The following GRIA2 variants were observed in gnomAD, a reference collection of about 807,000 sequenced individuals.
GRIA2 encodes the protein glutamate receptor 2.
A neutral mutation model predicts 97.3 loss-of-function variants in GRIA2; 14 were observed. That is an observed-to-expected ratio of 0.14 (90% CI 0.10 to 0.23). The LOEUF is 0.23. GRIA2 is among the 10% of genes least tolerant of loss of function. The probability of loss-of-function intolerance (pLI) is 1.00; values close to 1 mark genes in which losing one functional copy is unlikely to be tolerated. For synonymous variants in GRIA2, 412 were observed against 387.8 expected (o/e 1.06, Z -0.73); for missense variants, 558 against 1,069.8 (o/e 0.52, Z 6.67).
chr4:157,341,294 G>T lies in GRIA2; in HGVS notation c.1875G>T (p.Val625=). 4 of 1,612,762 alleles carry T rather than the reference G, an allele frequency of 2.5e-6. No homozygotes were observed. Among genetic ancestry groups the T allele is most frequent in the Non-Finnish European group, 3.4e-6 (4 of 1,179,004 alleles). ...RSLSGRIVGG[V]WWFFTLIIIS... is the part of the protein sequence containing the mutation. ...TCTCTGGGCGCATTGTTGGAGGTGT[G>T]TGGTGGTTCTTTACCCTGATCATAA... is the stretch of plus-strand genomic sequence containing the variant. The change falls in exon 12 of 16, where the codon GTG becomes GTT. Residue 625 remains valine, a synonymous_variant. Transcript: ENST00000264426.
chr4:157,297,197 T>C (rs1431951035), intron 2 of GRIA2, among the ~76,000 whole-genome samples: 2 of 152,090 alleles, frequency 1.3e-5, no homozygotes, highest in African/African-American at 4.8e-5. Context: ...AGAGCACAGA[T>C]AGAGAGGTCT....
intron 2 of GRIA2, among the ~76,000 whole-genome samples, chr4:157,276,664 T>A (rs986161748): frequency 6.6e-6 from 1 of 151,644 alleles, no homozygotes; most frequent in Non-Finnish European, 1.5e-5. Context: ...GAAAAAAAGA[T>A]AGATGATACA....
chr4:157,359,091 A>G (rs1300935240), intron 12 of GRIA2, among the ~76,000 whole-genome samples: 1 of 152,176 alleles, frequency 6.6e-6, no homozygotes, highest in African/African-American at 2.4e-5. Flanking sequence ...TTCCAACTCT[A>G]TGCTCAGCTT....
intron 4 of GRIA2, among the ~76,000 whole-genome samples, chr4:157,314,960 A>C (rs1002463111): frequency 6.6e-6 from 1 of 152,236 alleles, no homozygotes; most frequent in African/African-American, 2.4e-5. Context: ...CACAATGTAC[A>C]CAGACAGCAC....
intron 2 of GRIA2, among the ~76,000 whole-genome samples, chr4:157,284,279 T>TA (rs980126687): frequency 9.3e-5 from 14 of 150,580 alleles, no homozygotes; most frequent in East Asian, 2.0e-4. Context: ...ATTGAGAACT[T>TA]AAAAAAAAAG....
intron 2 of GRIA2, among the ~76,000 whole-genome samples, chr4:157,258,986 A>G (rs570817047): frequency 4.1e-4 from 63 of 152,096 alleles, no homozygotes; most frequent in Non-Finnish European, 7.2e-4. Flanking sequence ...GGAGGCCAAG[A>G]CAGGACAGGA....
At chr4:157,257,411 T>A (rs7692739) in intron 2 of GRIA2, among the ~76,000 whole-genome samples, 3 of 151,862 alleles carry the variant, frequency 2.0e-5, no homozygotes, top group South Asian at 4.1e-4. Context: ...GAATGTGTCT[T>A]AAAAATACAG....
At chr4:157,336,332 C>A (rs1284322455) in intron 10 of GRIA2, 45 bp from the exon 11 acceptor site, 2 of 1,447,012 alleles carry the variant, frequency 1.4e-6, no homozygotes, top group Admixed American at 2.3e-5. Flanking sequence ...ATTCCTTTTT[C>A]ACCATGACTC....
intron 4 of GRIA2, among the ~76,000 whole-genome samples, chr4:157,313,630 A>G (rs986375190): frequency 6.6e-6 from 1 of 152,014 alleles, no homozygotes; most frequent in East Asian, 1.9e-4. Flanking sequence ...GTGACTAGGG[A>G]TGATAGTGGC....
Position 157,234,614 on chromosome 4 carries a change from G to T in GRIA2, c.229+12807G>T, listed in dbSNP as rs552014330. 3.9e-5 allele frequency among the ~76,000 whole-genome samples: 6 copies of T among 152,224 alleles called. No homozygotes were observed. In the South Asian group the frequency reaches 1.0e-3, roughly 26 times the overall value. On this transcript the variant is annotated intron_variant, in intron 2 of 15. Transcript: ENST00000264426. ...GATACATTTGTGCAATAAAAATGAT[G>T]GTAGGTGTTTCTCACGAATAGGACC...
Position 157,336,430 on chromosome 4 carries a change from G to T in GRIA2, c.1527G>T (p.Val509=). 6.2e-7 allele frequency: 1 copy of T among 1,605,538 alleles called. No homozygotes were observed. Among genetic ancestry groups the T allele is most frequent in the Non-Finnish European group, 8.5e-7 (1 of 1,174,976 alleles). ...PLTITLVREE[V]IDFSKPFMSL... Reference sequence around the variant, plus strand: ...CTATTACCCTTGTGAGAGAAGAGGTGATTGACTTCTCAAAGCCCTTCATGA... The same window carrying T: ...CTATTACCCTTGTGAGAGAAGAGGTTATTGACTTCTCAAAGCCCTTCATGA... The change falls in exon 11 of 16, where the codon GTG becomes GTT. Residue 509 remains valine (V), a synonymous_variant. Coordinates refer to ENST00000264426, the MANE Select transcript of GRIA2 (RefSeq NM_001083619.3).
In GRIA2 at chr4:157,271,590, A is replaced by C. The variant is rs114331809; in HGVS notation, c.230-31962A>C. Among the ~76,000 whole-genome samples the C allele has an allele frequency of 1.3e-3, 191 of 152,224 alleles. 3 individuals carry two copies. In the Middle Eastern group the frequency reaches 0.027, roughly 22 times the overall value. The stretch of plus-strand genomic sequence containing the variant: ...ACCTCCACATATTCCACTATCTAGA[A>C]GTTCTCCAAACTCTGTCCTTTTGAA... On this transcript the variant is annotated intron_variant, in intron 2 of 15. Coordinates refer to ENST00000264426, the MANE Select transcript of GRIA2 (RefSeq NM_001083619.3).
intron 5 of GRIA2, among the ~76,000 whole-genome samples, chr4:157,319,810 T>G (rs1261761983): frequency 1.3e-5 from 2 of 152,124 alleles, no homozygotes; most frequent in Non-Finnish European, 2.9e-5. Context: ...TTGATTGGGC[T>G]CCTAAAACAC....
rs111559505 is a variant in GRIA2, at chr4:157,234,611, G to T, written c.229+12804G>T. Among the ~76,000 whole-genome samples, 44 of 152,236 alleles carry T rather than the reference G, an allele frequency of 2.9e-4. No individual in the cohort carries two copies. The East Asian group carries it at 6.6e-3, about 23-fold the overall frequency. ...ACTGATACATTTGTGCAATAAAAAT[G>T]ATGGTAGGTGTTTCTCACGAATAGG... On this transcript the variant is annotated intron_variant, in intron 2 of 15. Coordinates refer to ENST00000264426, the MANE Select transcript of GRIA2 (RefSeq NM_001083619.3).
intron 12 of GRIA2, among the ~76,000 whole-genome samples, chr4:157,358,908 C>A (rs554538298): frequency 6.6e-6 from 1 of 151,400 alleles, no homozygotes; most frequent in Non-Finnish European, 1.5e-5. Context: ...AACAAACAAA[C>A]CCCCCCCAAA....
chr4:157,306,493 TAG>T (rs901192886), intron 3 of GRIA2, among the ~76,000 whole-genome samples: 2 of 152,186 alleles, frequency 1.3e-5, no homozygotes, highest in Non-Finnish European at 2.9e-5. Flanking sequence ...ATAAAAATGT[TAG>T]AGTGATAATA....
intron 2 of GRIA2, among the ~76,000 whole-genome samples, chr4:157,282,924 A>T (rs1056804319): frequency 6.6e-6 from 1 of 152,112 alleles, no homozygotes; most frequent in African/African-American, 2.4e-5. Context: ...ATTCACTGAC[A>T]TAGAGTTTGC....
intron 2 of GRIA2, among the ~76,000 whole-genome samples, chr4:157,224,399 T>C (rs1486722926): frequency 6.6e-6 from 1 of 152,172 alleles, no homozygotes; most frequent in South Asian, 2.1e-4. Flanking sequence ...GCTCATTGGA[T>C]AGAAATTTCT....
intron 5 of GRIA2, among the ~76,000 whole-genome samples, chr4:157,320,462 A>G (rs1184689946): frequency 6.6e-6 from 1 of 152,138 alleles, no homozygotes; most frequent in Non-Finnish European, 1.5e-5. Flanking sequence ...ACTGGAACAT[A>G]CCTACGGTAA....
Sources: allele counts gnomAD v4.1 joint callset (sites outside exome capture counted in the v4.1 genomes callset), GRCh38; gene constraint gnomAD v4.1.1; transcripts MANE v1.5; gene names NCBI Gene and HGNC (gene_info 2026-07-23, HGNC 2026-07-21).